Variants in ZFPM2 observed in about 807,000 individuals in gnomAD.
The protein encoded by ZFPM2 is zinc finger protein, FOG family member 2.
Under a neutral mutation model 98.6 loss-of-function variants are expected in ZFPM2, and 20 were observed. That is an observed-to-expected ratio of 0.20 (90% CI 0.14 to 0.29). ZFPM2 has a LOEUF of 0.29. ZFPM2 is among the 10% of genes least tolerant of loss of function. The pLI, the probability that ZFPM2 is intolerant of heterozygous loss-of-function variation, is 1.00. For missense variants in ZFPM2, 1,310 were observed against 1,388.6 expected (o/e 0.94, Z 0.90); for synonymous variants, 518 against 502.7 (o/e 1.03, Z -0.41).
intron 3 of ZFPM2, among the ~76,000 whole-genome samples, chr8:105,469,216 T>C (rs1479009931): frequency 1.3e-5 from 2 of 152,238 alleles, no homozygotes; most frequent in Admixed American, 6.5e-5. Context: ...GCTTTAATGT[T>C]GCTTTTAATT....
intron 1 of ZFPM2, among the ~76,000 whole-genome samples, chr8:105,322,217 G>T (rs1347269830): frequency 3.3e-5 from 5 of 151,980 alleles, no homozygotes; most frequent in Non-Finnish European, 7.4e-5. Context: ...CCAATAAATT[G>T]CCCAGATTGT....
In ZFPM2 at chr8:105,410,510, C is replaced by T. The variant is rs775494192; in HGVS notation, c.41-8634C>T. On this transcript the variant is annotated intron_variant, in intron 1 of 7. Transcript: ENST00000407775. ...TTCTGGAGTTAAAAGACTCCGTGCC[C>T]CATTTAAAACATCCTTTTATACCTA... is the stretch of plus-strand genomic sequence containing the variant. Among the ~76,000 whole-genome samples, 69 of 151,778 alleles carry T rather than the reference C, an allele frequency of 4.5e-4. 1 individual carries two copies. The highest frequency in any genetic ancestry group is 1.3e-4 in the Non-Finnish European group (9 of 67,848).
intron 5 of ZFPM2, among the ~76,000 whole-genome samples, chr8:105,728,627 A>G (rs1473289473): frequency 2.6e-5 from 4 of 151,776 alleles, no homozygotes; most frequent in Admixed American, 6.6e-5. Context: ...AGACACAGGA[A>G]AGGCATATCT....
intron 3 of ZFPM2, among the ~76,000 whole-genome samples, chr8:105,554,632 T>G (rs1324792430): frequency 6.6e-6 from 1 of 152,188 alleles, no homozygotes; most frequent in African/African-American, 2.4e-5. Context: ...GGTTGTATAT[T>G]TAAAACCAAG....
chr8:105,667,596 G>A (rs1457185076), intron 5 of ZFPM2, among the ~76,000 whole-genome samples: 1 of 152,110 alleles, frequency 6.6e-6, no homozygotes, highest in Non-Finnish European at 1.5e-5. Context: ...GGCTATTAAA[G>A]TACTCTCTTC....
intron 3 of ZFPM2, among the ~76,000 whole-genome samples, chr8:105,447,326 A>C (rs570887534): frequency 3.3e-5 from 5 of 151,934 alleles, no homozygotes; most frequent in Admixed American, 6.6e-5. Context: ...CAAAAAAAAA[A>C]ACCAAAAACC....
At chr8:105,580,656 T>C (rs1304521517) in intron 4 of ZFPM2, among the ~76,000 whole-genome samples, 2 of 152,138 alleles carry the variant, frequency 1.3e-5, no homozygotes, top group Non-Finnish European at 2.9e-5. Flanking sequence ...TCTCAGTGAT[T>C]ATCCAAAAGA....
intron 5 of ZFPM2, among the ~76,000 whole-genome samples, chr8:105,640,547 G>A (rs900044252): frequency 6.6e-6 from 1 of 151,956 alleles, no homozygotes; most frequent in African/African-American, 2.4e-5. Context: ...TGTCCTTTAT[G>A]TCCAAGGGCC....
chr8:105,638,145 G>A (rs1816884681), intron 5 of ZFPM2, among the ~76,000 whole-genome samples: 1 of 152,018 alleles, frequency 6.6e-6, no homozygotes, highest in South Asian at 2.1e-4. Context: ...GCAAGCTCCA[G>A]ACTTATTCCA....
At chr8:105,545,476 T>C (rs183523508) in intron 3 of ZFPM2, among the ~76,000 whole-genome samples, 21 of 152,098 alleles carry the variant, frequency 1.4e-4, no homozygotes, top group African/African-American at 4.8e-4. Flanking sequence ...TCTATTGAGT[T>C]AGAAAGAAAA....
intron 5 of ZFPM2, among the ~76,000 whole-genome samples, chr8:105,783,431 C>G (rs1586261698): frequency 6.6e-6 from 1 of 152,060 alleles, no homozygotes; most frequent in East Asian, 1.9e-4. Flanking sequence ...CTTAACCATT[C>G]TCAAGTGTAT....
At chr8:105,658,473 A>G (rs1817327313) in intron 5 of ZFPM2, among the ~76,000 whole-genome samples, 1 of 92,454 alleles carries the variant, frequency 1.1e-5, no homozygotes, top group South Asian at 3.2e-4. Context: ...CTGTAGTCCC[A>G]GCTACTCGGG....
At chr8:105,710,076 A>G (rs927236826) in intron 5 of ZFPM2, among the ~76,000 whole-genome samples, 4 of 149,460 alleles carry the variant, frequency 2.7e-5, no homozygotes, top group African/African-American at 9.8e-5. Context: ...TTCTTTAGCC[A>G]TTATTTAGTC....
At chr8:105,398,848 T>A (rs1157400634) in intron 1 of ZFPM2, among the ~76,000 whole-genome samples, 2 of 152,070 alleles carry the variant, frequency 1.3e-5, no homozygotes, top group Admixed American at 6.6e-5. Context: ...GATAACCGAT[T>A]TATTTGGAGC....
chr8:105,693,653 A>G (rs1186814889), intron 5 of ZFPM2, among the ~76,000 whole-genome samples: 5 of 152,178 alleles, frequency 3.3e-5, no homozygotes, highest in African/African-American at 7.2e-5. Context: ...TTGAATTCCA[A>G]TAGGCCATAT....
chr8:105,632,519 A>G (rs994393771), intron 4 of ZFPM2, among the ~76,000 whole-genome samples: 5 of 152,126 alleles, frequency 3.3e-5, no homozygotes, highest in African/African-American at 1.2e-4. Context: ...GTAAAAGGAG[A>G]GCAAAATATG....
At chr8:105,560,184 A>AAG (rs1554617390) in intron 3 of ZFPM2, among the ~76,000 whole-genome samples, 4 of 60,064 alleles carry the variant, frequency 6.7e-5, no homozygotes, top group Admixed American at 4.2e-4. Flanking sequence ...AAAAAAAAAA[A>AAG]AAAGAAAGAA....
chr8:105,628,265 A>T (rs1452403869), intron 4 of ZFPM2, among the ~76,000 whole-genome samples: 1 of 152,230 alleles, frequency 6.6e-6, no homozygotes, highest in Non-Finnish European at 1.5e-5. Flanking sequence ...TCCTTTTGTT[A>T]TACTTCAACT....
chr8:105,394,147 C>G (rs1161575032), intron 1 of ZFPM2, among the ~76,000 whole-genome samples: 1 of 152,106 alleles, frequency 6.6e-6, no homozygotes, highest in African/African-American at 2.4e-5. Context: ...CCCGCCTCGG[C>G]CTCCCAAAGT....
Sources: gnomAD v4.1 joint callset for allele counts (sites outside exome capture counted in the v4.1 genomes callset) on GRCh38, gnomAD v4.1.1 for gene constraint, MANE v1.5 for transcripts, NCBI Gene and HGNC (gene_info 2026-07-23, HGNC 2026-07-21) for gene names.